RFX3: variants seen among roughly 807,000 people sequenced by gnomAD.
RFX3 encodes regulatory factor X3.
In RFX3, 14 loss-of-function variants were observed where a neutral mutation model predicts 98.6. The ratio of observed to expected loss-of-function variants is 0.14; its 90% CI spans 0.09 to 0.22. The LOEUF (loss-of-function observed/expected upper bound fraction) is 0.22. Ranked by LOEUF, RFX3 falls within the 10% of genes least tolerant of loss-of-function variation. The pLI is 1.00. For missense variants in RFX3, 639 were observed against 926.9 expected (o/e 0.69, Z 4.03); for synonymous variants, 383 against 328.4 (o/e 1.17, Z -1.80).
intron 2 of RFX3, 92 bp from the exon 3 acceptor site, chr9:3,346,856 A>C: frequency 1.3e-6 from 1 of 773,868 alleles, no homozygotes; most frequent in South Asian, 1.5e-5. Flanking sequence ...ATCCGGTATT[A>C]TTGATAAATT....
In RFX3 at chr9:3,263,179, T is replaced by C. The variant is rs187134755; in HGVS notation, c.1456-95A>G. 1,833 of 1,275,078 alleles carry C rather than the reference T, an allele frequency of 1.4e-3. 12 individuals are homozygous for C. In the African/African-American group the frequency reaches 0.023, roughly 16 times the overall value. 79.0% of individuals were successfully genotyped at this position (1,275,078 alleles called of 1,614,324 possible). A position where few individuals can be genotyped will look rare whatever the true frequency, so the allele number is the denominator to read the frequency against. ...CTTCTTTCCCTTCACAAATTTTAAA[T>C]GCTTGCCTCTGACACTTATTTAAAA... On this transcript the variant is annotated intron_variant, in intron 12 of 16. Coordinates refer to ENST00000617270, the MANE Select transcript of RFX3 (RefSeq NM_001282116.2).
intron 2 of RFX3, among the ~76,000 whole-genome samples, chr9:3,375,931 G>T (rs1838427788): frequency 6.6e-6 from 1 of 151,940 alleles, no homozygotes; most frequent in Non-Finnish European, 1.5e-5. Flanking sequence ...CTGCACTCCA[G>T]CCTGGGTGAC....
At position 3,301,538 on chromosome 9, in the gene RFX3, C is replaced by A. The variant is rs1828663188; in HGVS notation, c.549+8G>T. 1 of 1,589,372 alleles carries A rather than the reference C, an allele frequency of 6.3e-7. No individual in the cohort carries two copies. The highest frequency in any genetic ancestry group is 8.6e-7 in the Non-Finnish European group (1 of 1,161,460). On this transcript the variant is annotated splice_region_variant and intron_variant, in intron 5 of 16. Transcript: ENST00000617270. The stretch of plus-strand genomic sequence containing the variant: ...GAGATTAGTGTACATGAAGAAGAGG[C>A]AACTTACATGGCTGTTGAGAAGAGA...
At chr9:3,361,766 A>T (rs1836488028) in intron 2 of RFX3, among the ~76,000 whole-genome samples, 1 of 151,858 alleles carries the variant, frequency 6.6e-6, no homozygotes, top group Admixed American at 6.6e-5. Flanking sequence ...TAGACAACAT[A>T]GGGAGACCCT....
chr9:3,292,965 T>C, intron 6 of RFX3, 112 bp downstream of exon 6: 2 of 798,228 alleles, frequency 2.5e-6, no homozygotes, highest in Non-Finnish European at 1.9e-6. Context: ...GCTCATTCTA[T>C]GTATTTCCTT....
At chr9:3,513,825 A>C (rs1196647455) in intron 1 of RFX3, among the ~76,000 whole-genome samples, 1 of 152,208 alleles carries the variant, frequency 6.6e-6, no homozygotes, top group Non-Finnish European at 1.5e-5. Context: ...CCAAGATAAA[A>C]GAATCCCACC....
intron 1 of RFX3, among the ~76,000 whole-genome samples, chr9:3,513,033 A>G (rs1817797658): frequency 1.3e-5 from 2 of 152,068 alleles, no homozygotes; most frequent in African/African-American, 2.4e-5. Context: ...CATTTCTCTC[A>G]TTTCTTTATG....
At chr9:3,236,640 A>G (rs1819189771) in intron 15 of RFX3, among the ~76,000 whole-genome samples, 1 of 152,202 alleles carries the variant, frequency 6.6e-6, no homozygotes, top group South Asian at 2.1e-4. Flanking sequence ...ATGTTATCAG[A>G]TGGCGGAAGT....
intron 4 of RFX3, among the ~76,000 whole-genome samples, chr9:3,315,223 C>A (rs928200779): frequency 6.6e-6 from 1 of 152,160 alleles, no homozygotes; most frequent in Non-Finnish European, 1.5e-5. Context: ...AAGAAACTCA[C>A]TCAAAACTGC....
chr9:3,500,261 G>T (rs543421795), intron 1 of RFX3, among the ~76,000 whole-genome samples: 62 of 152,078 alleles, frequency 4.1e-4, no homozygotes, highest in Non-Finnish European at 7.2e-4. Flanking sequence ...ACAGCGCATA[G>T]CAAAGCAAAG....
At chr9:3,321,346 A>C (rs1831293355) in intron 4 of RFX3, among the ~76,000 whole-genome samples, 1 of 152,222 alleles carries the variant, frequency 6.6e-6, no homozygotes, top group African/African-American at 2.4e-5. Flanking sequence ...TAATTTTGAT[A>C]AAAAATTTCC....
intron 4 of RFX3, among the ~76,000 whole-genome samples, chr9:3,310,832 G>A (rs1480928933): frequency 2.6e-5 from 4 of 152,030 alleles, no homozygotes; most frequent in East Asian, 1.9e-4. Context: ...TAAACAAAGT[G>A]GAAATATTTC....
chr9:3,239,661 G>C (rs1819650388), intron 15 of RFX3, among the ~76,000 whole-genome samples: 1 of 152,226 alleles, frequency 6.6e-6, no homozygotes, highest in South Asian at 2.1e-4. Context: ...GAGAAAAGTA[G>C]CCTCAAAAAC....
At chr9:3,266,069 T>C (rs796575898) in intron 12 of RFX3, 139 bp downstream of exon 12, 2 of 492,438 alleles carry the variant, frequency 4.1e-6, no homozygotes, top group East Asian at 3.1e-5. Context: ...AAAATACAAA[T>C]ATAAAAATCA....
At chr9:3,292,983 G>T in intron 6 of RFX3, 94 bp downstream of exon 6, 2 of 956,724 alleles carry the variant, frequency 2.1e-6, no homozygotes, top group South Asian at 1.7e-5. Flanking sequence ...CTTATATATT[G>T]TCTGTAATCA....
chr9:3,395,714 C>T, intron 1 of RFX3, 118 bp from the exon 2 acceptor site: 1 of 991,626 alleles, frequency 1.0e-6, no homozygotes, highest in Non-Finnish European at 1.5e-6. Flanking sequence ...TACCTCTTAT[C>T]CCAACATACT....
At chr9:3,257,849 G>C (rs1213435524) in intron 13 of RFX3, among the ~76,000 whole-genome samples, 1 of 152,122 alleles carries the variant, frequency 6.6e-6, no homozygotes, top group South Asian at 2.1e-4. Flanking sequence ...AAACTCTTGA[G>C]AAAATGTAGA....
chr9:3,385,687 TAAAAAA>T (rs1163965329), intron 2 of RFX3, among the ~76,000 whole-genome samples: 1 of 118,688 alleles, frequency 8.4e-6, no homozygotes, highest in Admixed American at 8.9e-5. Flanking sequence ...CAGCCTGTCT[TAAAAAA>T]AAAAAAAAAA....
chr9:3,470,912 T>C (rs887777068), intron 1 of RFX3, among the ~76,000 whole-genome samples: 1 of 152,222 alleles, frequency 6.6e-6, no homozygotes, highest in African/African-American at 2.4e-5. Context: ...TATTAAGATG[T>C]TTGGGAACAG....
Sources: gnomAD v4.1 joint callset for allele counts (sites outside exome capture counted in the v4.1 genomes callset) on GRCh38, gnomAD v4.1.1 for gene constraint, MANE v1.5 for transcripts, NCBI Gene and HGNC (gene_info 2026-07-23, HGNC 2026-07-21) for gene names.